Variants in MEIS1 observed in about 807,000 individuals in gnomAD.
The protein encoded by MEIS1 is Meis homeobox 1, also known as homeobox protein Meis1.
A neutral mutation model predicts 50.8 loss-of-function variants in MEIS1; 5 were observed. The observed-to-expected ratio is 0.10, with a 90% confidence interval of 0.05 to 0.21. MEIS1 has a LOEUF of 0.21. Ranked by LOEUF, MEIS1 falls within the 10% of genes least tolerant of loss-of-function variation. The pLI is 1.00. For missense variants in MEIS1, 318 were observed against 517.3 expected (o/e 0.61, Z 3.74); for synonymous variants, 176 against 179.3 (o/e 0.98, Z 0.15).
chr2:66,499,330 G>T (rs1572857303), intron 7 of MEIS1, among the ~76,000 whole-genome samples: 1 of 151,878 alleles, frequency 6.6e-6, no homozygotes, highest in Non-Finnish European at 1.5e-5. Flanking sequence ...ACTTCACTTT[G>T]TCTGCAAAGA....
chr2:66,543,875 A>C (rs932872695), intron 8 of MEIS1, among the ~76,000 whole-genome samples: 1 of 152,228 alleles, frequency 6.6e-6, no homozygotes, highest in African/African-American at 2.4e-5. Context: ...GGTCTCCCTC[A>C]CTGTCTATGG....
intron 9 of MEIS1, among the ~76,000 whole-genome samples, chr2:66,552,748 A>G (rs553924924): frequency 8.5e-5 from 13 of 152,196 alleles, no homozygotes; most frequent in Non-Finnish European, 1.6e-4. Context: ...TTAAAGGTCA[A>G]GTTTCTTTCT....
At chr2:66,568,288 CT>C (rs758067548) in intron 10 of MEIS1, 6 of 188,322 alleles carry the variant, frequency 3.2e-5, no homozygotes, top group Non-Finnish European at 5.5e-5. Flanking sequence ...TGATGTGAGT[CT>C]TTACTTTCTT....
At chr2:66,570,702 A>G (rs568353108) in intron 12 of MEIS1, 2 of 152,712 alleles carry the variant, frequency 1.3e-5, no homozygotes, top group African/African-American at 4.8e-5. Flanking sequence ...TTTAGGTCCA[A>G]TTTTTCTTAT....
chr2:66,552,385 T>G (rs1674943403), intron 9 of MEIS1, among the ~76,000 whole-genome samples: 1 of 152,198 alleles, frequency 6.6e-6, no homozygotes, highest in African/African-American at 2.4e-5. Context: ...GAAGGCAATA[T>G]GGGTTTTAGG....
At chr2:66,475,428 G>T (rs541979841) in intron 7 of MEIS1, among the ~76,000 whole-genome samples, 40 of 150,560 alleles carry the variant, frequency 2.7e-4, no homozygotes, top group Non-Finnish European at 5.2e-4. Context: ...AAAGTTTATA[G>T]TATACAATAG....
chr2:66,495,078 ACCTTTTTTT>A (rs887492147), intron 7 of MEIS1, among the ~76,000 whole-genome samples: 1 of 85,012 alleles, frequency 1.2e-5, no homozygotes, highest in Non-Finnish European at 2.5e-5. Context: ...CCCTCTTCTG[ACCTTTTTTT>A]TTTTTTTTTT....
chr2:66,524,105 G>C (rs1208483817), intron 8 of MEIS1, among the ~76,000 whole-genome samples: 1 of 152,190 alleles, frequency 6.6e-6, no homozygotes, highest in Non-Finnish European at 1.5e-5. Flanking sequence ...TGGAGGAGAA[G>C]GTGCCTTTTG....
intron 9 of MEIS1, among the ~76,000 whole-genome samples, chr2:66,557,356 TC>T (rs766960301): frequency 9.8e-5 from 15 of 152,304 alleles, no homozygotes; most frequent in Non-Finnish European, 1.8e-4. Flanking sequence ...TGTGTAACCA[TC>T]CCCATAGTCA....
intron 7 of MEIS1, among the ~76,000 whole-genome samples, chr2:66,498,466 A>G (rs748759244): frequency 2.8e-4 from 42 of 152,282 alleles, no homozygotes; most frequent in African/African-American, 7.7e-4. Context: ...TACCTCCAAC[A>G]TAGGAGGCAA....
At chr2:66,560,849 C>A (rs561575276) in intron 9 of MEIS1, among the ~76,000 whole-genome samples, 1 of 152,242 alleles carries the variant, frequency 6.6e-6, no homozygotes, top group South Asian at 2.1e-4. Flanking sequence ...CTCTACCTCC[C>A]CTACCCGCAG....
intron 6 of MEIS1, among the ~76,000 whole-genome samples, chr2:66,443,980 C>T (rs548389502): frequency 3.4e-4 from 52 of 152,316 alleles, no homozygotes; most frequent in Non-Finnish European, 6.8e-4. Flanking sequence ...CACCCCAACA[C>T]CACCGTTTGC....
At chr2:66,548,106 C>T in intron 9 of MEIS1, 87 bp downstream of exon 9, 2 of 1,263,186 alleles carry the variant, frequency 1.6e-6, no homozygotes, top group Non-Finnish European at 2.3e-6. Context: ...AAGACACACC[C>T]AGTTGCCACT....
intron 4 of MEIS1, 55 bp from the exon 5 acceptor site, chr2:66,441,358 CA>C: frequency 6.7e-7 from 1 of 1,483,012 alleles, no homozygotes; most frequent in Non-Finnish European, 9.0e-7. Context: ...AGAGCTGTGG[CA>C]GCCAGTTTTC....
At chr2:66,524,648 T>C (rs1310671824) in intron 8 of MEIS1, among the ~76,000 whole-genome samples, 1 of 152,194 alleles carries the variant, frequency 6.6e-6, no homozygotes, top group Non-Finnish European at 1.5e-5. Context: ...TAAGTTGGTA[T>C]GATGAAAAGA....
intron 8 of MEIS1, among the ~76,000 whole-genome samples, chr2:66,528,386 G>A (rs943254542): frequency 6.6e-6 from 1 of 152,022 alleles, no homozygotes; most frequent in Admixed American, 6.5e-5. Context: ...AGCAAGGAAG[G>A]TACAGTGGTA....
chr2:66,482,656 A>G (rs1287252763), intron 7 of MEIS1, among the ~76,000 whole-genome samples: 1 of 152,222 alleles, frequency 6.6e-6, no homozygotes, highest in Non-Finnish European at 1.5e-5. Flanking sequence ...TTCTGTATAG[A>G]GGGCATTGTG....
intron 8 of MEIS1, among the ~76,000 whole-genome samples, chr2:66,522,166 C>T (rs1271002830): frequency 2.0e-5 from 3 of 152,158 alleles, no homozygotes; most frequent in African/African-American, 7.2e-5. Flanking sequence ...CTAGCCAGAA[C>T]AGAAATATGG....
intron 9 of MEIS1, among the ~76,000 whole-genome samples, chr2:66,560,101 T>A (rs1035292045): frequency 6.4e-5 from 1 of 15,660 alleles, no homozygotes; most frequent in Non-Finnish European, 1.5e-4. Context: ...CTGCCATCAC[T>A]TTTTTTTTTT....
Sources: gnomAD v4.1 joint callset for allele counts (sites outside exome capture counted in the v4.1 genomes callset) on GRCh38, gnomAD v4.1.1 for gene constraint, MANE v1.5 for transcripts, NCBI Gene and HGNC (gene_info 2026-07-23, HGNC 2026-07-21) for gene names.